The following EPS15 variants were observed in gnomAD, a reference collection of about 807,000 sequenced individuals.
EPS15 encodes the protein epidermal growth factor receptor substrate 15.
A neutral mutation model predicts 113.8 loss-of-function variants in EPS15; 72 were observed. That is an observed-to-expected ratio of 0.63 (90% CI 0.52 to 0.77). The LOEUF is 0.77. Ranked by LOEUF, EPS15 falls within the 30% of genes least tolerant of loss-of-function variation. The pLI is 0.00. For synonymous variants in EPS15, 344 were observed against 363.4 expected, an observed-to-expected ratio of 0.95 and a Z score of 0.61; for missense variants, 1,048 against 1,045.8, an observed-to-expected ratio of 1.00 and a Z score of -0.03.
At chr1:51,483,587 C>A (rs143969258) in intron 1 of EPS15, among the ~76,000 whole-genome samples, 8,852 of 151,864 alleles carry the variant, frequency 0.058, 819 homozygotes, top group African/African-American at 0.2. Flanking sequence ...GTGGGCGGAT[C>A]ACGAGGTCAG....
chr1:51,425,734 C>G (rs1651142872), intron 12 of EPS15, among the ~76,000 whole-genome samples: 1 of 152,168 alleles, frequency 6.6e-6, no homozygotes, highest in African/African-American at 2.4e-5. Flanking sequence ...CTTAACCTTT[C>G]AGAACCCTAG....
At chr1:51,363,455 CT>C (rs1646435470) in intron 23 of EPS15, among the ~76,000 whole-genome samples, 1 of 152,086 alleles carries the variant, frequency 6.6e-6, no homozygotes, top group Non-Finnish European at 1.5e-5. Context: ...AGACTTTATA[CT>C]TTACAGGAAA....
intron 1 of EPS15, among the ~76,000 whole-genome samples, chr1:51,515,502 GCTAAA>G (rs1010498953): frequency 4.0e-5 from 6 of 151,724 alleles, no homozygotes; most frequent in East Asian, 1.9e-4. Flanking sequence ...AAAAATTCTT[GCTAAA>G]CTAAAGCAAG....
chr1:51,376,158 A>G (rs1369995763), intron 21 of EPS15, among the ~76,000 whole-genome samples: 3 of 152,262 alleles, frequency 2.0e-5, no homozygotes, highest in Non-Finnish European at 4.4e-5. Flanking sequence ...TGAGTCTCCT[A>G]TGGGGCTAAT....
chr1:51,460,974 T>G, intron 8 of EPS15, 117 bp downstream of exon 8: 1 of 648,494 alleles, frequency 1.5e-6, no homozygotes, highest in African/African-American at 1.9e-5. Flanking sequence ...AAAAAAAAAG[T>G]TCACCCAATA....
intron 9 of EPS15, 26 bp downstream of exon 9, chr1:51,448,020 A>C: frequency 6.2e-7 from 1 of 1,609,050 alleles, no homozygotes. Flanking sequence ...AGAGGGGATC[A>C]ACCGCACAGA....
At chr1:51,469,894 T>G (rs1272362778) in intron 4 of EPS15, among the ~76,000 whole-genome samples, 2 of 151,870 alleles carry the variant, frequency 1.3e-5, no homozygotes, top group Non-Finnish European at 2.9e-5. Flanking sequence ...CTCATACTGC[T>G]TATTCTTTTT....
chr1:51,471,868 G>C (rs1454798821), intron 3 of EPS15, 131 bp from the exon 4 acceptor site: 1 of 736,198 alleles, frequency 1.4e-6, no homozygotes, highest in East Asian at 2.5e-5. Flanking sequence ...AATTAAGAGT[G>C]GAAAGAACCC....
intron 12 of EPS15, among the ~76,000 whole-genome samples, chr1:51,437,200 T>G (rs1307728847): frequency 6.6e-6 from 1 of 152,170 alleles, no homozygotes; most frequent in African/African-American, 2.4e-5. Flanking sequence ...CAACGAAATC[T>G]CATTTTCTGA....
intron 20 of EPS15, among the ~76,000 whole-genome samples, chr1:51,398,144 C>T (rs1050168365): frequency 3.3e-5 from 5 of 151,868 alleles, no homozygotes; most frequent in African/African-American, 1.2e-4. Context: ...AGCTCCGCCT[C>T]CCGGGTTCAC....
chr1:51,372,440 T>G, intron 21 of EPS15: 11 of 534,224 alleles, frequency 2.1e-5, no homozygotes, highest in Non-Finnish European at 4.2e-5. Flanking sequence ...TCCCTTTTGA[T>G]GAAGATGACA....
rs543304645 is a variant in EPS15, at chr1:51,408,204, T to C, written c.1404A>G (p.Val468=). The C allele has an allele frequency of 1.2e-5, 19 of 1,614,044 alleles. No homozygotes were observed. The highest frequency in any genetic ancestry group is 1.6e-4 in the Middle Eastern group (1 of 6,084). ...GTTCCAACTGAGCCTTCCCTGACTC[T>C]ACACTCTCCTCCAATTCTGCTGTTT... ...QQETAELEES[V]ESGKAQLEPL... The change falls in exon 15 of 25, where the codon GTA becomes GTG. Residue 468 remains valine (V), a synonymous_variant. Coordinates refer to ENST00000371733, the MANE Select transcript of EPS15 (RefSeq NM_001981.3).
In EPS15 at chr1:51,435,947, C is replaced by T. The variant is rs111303040; in HGVS notation, c.1040+4400G>A. Among the ~76,000 whole-genome samples the T allele has an allele frequency of 7.1e-3, 1,081 of 152,100 alleles. 8 individuals carry two copies. Among genetic ancestry groups the T allele is most frequent in the African/African-American group, 0.025 (1,036 of 41,472 alleles). On this transcript the variant is annotated intron_variant, in intron 12 of 24. Coordinates refer to ENST00000371733, the MANE Select transcript of EPS15 (RefSeq NM_001981.3). Reference sequence around the variant, plus strand: ...GTAAAAGGTATGCTCCAGGCAAAGGCGAACAGTAGGATCAGAGGCATAGAA... The same window carrying T: ...GTAAAAGGTATGCTCCAGGCAAAGGTGAACAGTAGGATCAGAGGCATAGAA...
chr1:51,385,100 T>TA (rs1396884973), intron 21 of EPS15, among the ~76,000 whole-genome samples: 2 of 152,064 alleles, frequency 1.3e-5, no homozygotes, highest in Admixed American at 1.3e-4. Context: ...ACATCAAAAT[T>TA]AAAAACTTTT....
In EPS15 at chr1:51,445,030, T is replaced by G. The variant is rs374367002; in HGVS notation, c.813A>C (p.Thr271=). Residue 271 remains threonine, a synonymous_variant, in exon 11 of 25, where the codon ACA becomes ACC. Transcript: ENST00000371733. ...CCTTTGAAAGCTTCCCACAGTCCTTTGTGTCGCATAATGACCTGCACAAAT... is the reference window on the plus strand; with the variant it reads ...CCTTTGAAAGCTTCCCACAGTCCTTGGTGTCGCATAATGACCTGCACAAAT... ...LLAHIWSLCD[T]KDCGKLSKDQ... The G allele has an allele frequency of 1.2e-6, 2 of 1,613,620 alleles. No homozygotes were observed. Among genetic ancestry groups the G allele is most frequent in the Non-Finnish European group, 1.7e-6 (2 of 1,179,772 alleles).
chr1:51,359,197 T>A (rs1014175062), intron 24 of EPS15, among the ~76,000 whole-genome samples: 18 of 151,206 alleles, frequency 1.2e-4, no homozygotes, highest in African/African-American at 3.4e-4. Context: ...TGTAATCCCA[T>A]CACTTTGGGA....
chr1:51,434,694 G>A (rs1306029920), intron 12 of EPS15, among the ~76,000 whole-genome samples: 3 of 152,076 alleles, frequency 2.0e-5, no homozygotes, highest in Admixed American at 6.5e-5. Flanking sequence ...TTTTTGAGAC[G>A]GAGTCTCGCA....
chr1:51,433,108 A>C (rs967068994), intron 12 of EPS15, among the ~76,000 whole-genome samples: 6 of 152,244 alleles, frequency 3.9e-5, no homozygotes, highest in African/African-American at 1.4e-4. Context: ...ATTTTAAAAA[A>C]TCGGTTCTTG....
At position 51,508,346 on chromosome 1, in the gene EPS15, A is replaced by G. The variant is rs555612083; in HGVS notation, c.33+10853T>C. Among the ~76,000 whole-genome samples the G allele has an allele frequency of 2.7e-3, 338 of 125,992 alleles. 1 individual carries two copies. Among genetic ancestry groups the G allele is most frequent in the African/African-American group, 7.8e-3 (260 of 33,480 alleles). 82.7% of individuals were successfully genotyped at this position (125,992 alleles called of 152,430 possible). ...AGAGAGAAAGAGAAAGAGAGAAAGA[A>G]AGAAAGAAAGAAAGAAAGAAAGAAA... On this transcript the variant is annotated intron_variant, in intron 1 of 24. Transcript: ENST00000371733.
Sources: allele counts gnomAD v4.1 joint callset (sites outside exome capture counted in the v4.1 genomes callset), GRCh38; gene constraint gnomAD v4.1.1; transcripts MANE v1.5; gene names NCBI Gene and HGNC (gene_info 2026-07-23, HGNC 2026-07-21).